Variants in LAMA3 observed in about 807,000 individuals in gnomAD.
LAMA3 encodes laminin subunit alpha-3.
Under a neutral mutation model 402.0 loss-of-function variants are expected in LAMA3, and 281 were observed. The ratio of observed to expected loss-of-function variants is 0.70; its 90% CI spans 0.63 to 0.77. LAMA3 has a LOEUF of 0.77. Ranked by LOEUF, LAMA3 falls within the 30% of genes least tolerant of loss-of-function variation. The pLI is 0.00. For missense variants in LAMA3, 3,840 were observed against 4,215.5 expected (o/e 0.91, Z 2.47); for synonymous variants, 1,431 against 1,558.4 (o/e 0.92, Z 1.93).
chr18:23,698,946 A>G (rs561444289), intron 1 of LAMA3, among the ~76,000 whole-genome samples: 2 of 152,256 alleles, frequency 1.3e-5, no homozygotes, highest in African/African-American at 4.8e-5. Flanking sequence ...TGTGATAAAA[A>G]TTAAAGAGGA....
At chr18:23,752,920 G>A (rs775777494) in intron 5 of LAMA3, among the ~76,000 whole-genome samples, 1 of 152,238 alleles carries the variant, frequency 6.6e-6, no homozygotes, top group Non-Finnish European at 1.5e-5. Flanking sequence ...CAATGAGAAA[G>A]ATTGTTCTAC....
Position 23,890,054 on chromosome 18 carries a change from A to G in LAMA3, c.5347A>G (p.Ser1783Gly). ...YFGNPQKFGG[S>G]CQPCSCNSNG... ...CGGGAATCCCCAGAAATTCGGAGGT[A>G]GCTGCCAACCATGCAGTTGTAACAG... The change falls in exon 42 of 75, where the codon AGC becomes GGC. Residue 1783 changes from serine (S) to glycine (G), a missense_variant. Around this residue, in one of 3 missense-constraint regions of LAMA3, gnomAD observed 2,109 missense variants for 2,376.0 expected, o/e 0.89. Transcript: ENST00000313654. The G allele has an allele frequency of 1.2e-6, 2 of 1,614,210 alleles. No individual in the cohort carries two copies. Among genetic ancestry groups the G allele is most frequent in the Middle Eastern group, 1.6e-4 (1 of 6,062 alleles).
At chr18:23,895,163 G>C (rs1252738415) in intron 44 of LAMA3, 105 bp downstream of exon 44, 3 of 1,306,006 alleles carry the variant, frequency 2.3e-6, no homozygotes, top group Non-Finnish European at 3.2e-6. Context: ...AGGCTCAGGG[G>C]TTGTCCTCCT....
Position 23,952,997 on chromosome 18 carries a change from A to G in LAMA3, c.9744A>G (p.Ile3248Met). 6.2e-7 allele frequency: 1 copy of G among 1,614,074 alleles called. No homozygotes were observed. The highest frequency in any genetic ancestry group is 8.5e-7 in the Non-Finnish European group (1 of 1,179,958). The change falls in exon 74 of 75, where the codon ATA becomes ATG. Residue 3248 changes from isoleucine (I) to methionine (M), a missense_variant. Physicochemically the swap from Ile to Met is conservative, Grantham distance 10. Around this residue, in one of 3 missense-constraint regions of LAMA3, gnomAD observed 840 missense variants for 981.9 expected, o/e 0.86. Coordinates refer to ENST00000313654, the MANE Select transcript of LAMA3 (RefSeq NM_198129.4). ...DGQWHSVAVT[I>M]KQHILHLELD... ...CCAGCCTCCTTTCCCCAGTCACCAT[A>G]AAACAACACATCCTGCACCTGGAAC...
chr18:23,810,406 C>G lies in LAMA3; in HGVS notation c.1644C>G (p.Cys548Trp). 3 of 1,614,158 alleles carry G rather than the reference C, an allele frequency of 1.9e-6. No homozygotes were observed. Among genetic ancestry groups the G allele is most frequent in the Non-Finnish European group, 2.5e-6 (3 of 1,180,018 alleles). ...CSALGSYQMP[C>W]SSVTGQCECR... ...CCCTTGGATCCTACCAGATGCCCTGCAGCTCAGTGACTGGACAGTGTGAAT... is the reference window on the plus strand; with the variant it reads ...CCCTTGGATCCTACCAGATGCCCTGGAGCTCAGTGACTGGACAGTGTGAAT... Residue 548 changes from cysteine (C) to tryptophan (W), a missense_variant, in exon 13 of 75, where the codon TGC becomes TGG. Physicochemically the swap from Cys to Trp is radical, Grantham distance 215 (BLOSUM62 -2). Around this residue, in one of 3 missense-constraint regions of LAMA3, gnomAD observed 2,109 missense variants for 2,376.0 expected, o/e 0.89. Coordinates refer to ENST00000313654, the MANE Select transcript of LAMA3 (RefSeq NM_198129.4).
intron 18 of LAMA3, among the ~76,000 whole-genome samples, chr18:23,819,354 A>G (rs1434887875): frequency 6.6e-6 from 1 of 152,206 alleles, no homozygotes; most frequent in Non-Finnish European, 1.5e-5. Flanking sequence ...AAAATAACAT[A>G]TCAAGAAAAT....
At chr18:23,861,250 A>C (rs1437436420) in intron 34 of LAMA3, among the ~76,000 whole-genome samples, 1 of 152,176 alleles carries the variant, frequency 6.6e-6, no homozygotes, top group Non-Finnish European at 1.5e-5. Context: ...ATTTAGAGAA[A>C]AATAATAATA....
rs193050742 is a variant in LAMA3, at chr18:23,740,418, T to C, written c.448-7525T>C. 1.7e-3 allele frequency among the ~76,000 whole-genome samples: 254 copies of C among 152,114 alleles called. 2 individuals carry two copies. Among genetic ancestry groups the C allele is most frequent in the Non-Finnish European group, 3.2e-4 (22 of 67,984 alleles). On this transcript the variant is annotated intron_variant, in intron 2 of 74. Transcript: ENST00000313654. Reference sequence around the variant, plus strand: ...CCCTTTGTCTTACCATTTTTTTTTTTCCTGAAATCTTTCATTAAGATTGTC... The same window carrying C: ...CCCTTTGTCTTACCATTTTTTTTTTCCCTGAAATCTTTCATTAAGATTGTC...
In LAMA3 at chr18:23,909,217, G is replaced by A. The variant is rs763710322; in HGVS notation, c.7080G>A (p.Leu2360=). 6.2e-7 allele frequency: 1 copy of A among 1,613,686 alleles called. No individual in the cohort carries two copies. The highest frequency in any genetic ancestry group is 8.5e-7 in the Non-Finnish European group (1 of 1,179,810). The change falls in exon 55 of 75, where the codon CTG becomes CTA. Residue 2360 remains leucine (L), a synonymous_variant. Coordinates refer to ENST00000313654, the MANE Select transcript of LAMA3 (RefSeq NM_198129.4). The part of the protein sequence containing the change: ...WRKIESINQQ[L]LPLGNISDNM... ...AGATTGAAAGTATCAACCAACAGCT[G>A]TTGCCCTTGGGAAACATCTCTGACA...
At position 23,903,971 on chromosome 18, in the gene LAMA3, A is replaced by G. The variant is rs1257658577; in HGVS notation, c.6357A>G (p.Arg2119=). ...EKLAASLNEA[R]QELSDKVREL... is the part of the protein sequence containing the mutation. ...TAGCTGCCAGTTTAAATGAAGCAAG[A>G]CAAGAACTAAGTGACAAAGTAAGAG... Residue 2119 remains arginine, a synonymous_variant, in exon 50 of 75, where the codon AGA becomes AGG. Transcript: ENST00000313654. 2 of 1,613,776 alleles carry G rather than the reference A, an allele frequency of 1.2e-6. No homozygotes were observed. The highest frequency in any genetic ancestry group is 1.1e-5 in the South Asian group (1 of 91,082).
At chr18:23,947,893 G>A (rs1039247828) in intron 70 of LAMA3, among the ~76,000 whole-genome samples, 8 of 149,376 alleles carry the variant, frequency 5.4e-5, no homozygotes, top group African/African-American at 2.0e-4. Context: ...CTCACTGCAA[G>A]CTCCGCCTCC....
chr18:23,748,584 C>G (rs1203624671), intron 3 of LAMA3, among the ~76,000 whole-genome samples: 1 of 151,878 alleles, frequency 6.6e-6, no homozygotes, highest in Non-Finnish European at 1.5e-5. Context: ...CACTTGAGGT[C>G]AGGAGTTTGA....
intron 1 of LAMA3, among the ~76,000 whole-genome samples, chr18:23,701,471 C>T (rs951081074): frequency 4.6e-5 from 7 of 152,194 alleles, no homozygotes; most frequent in African/African-American, 1.7e-4. Context: ...TTTAGTGACA[C>T]AGGTATCAGT....
intron 2 of LAMA3, among the ~76,000 whole-genome samples, chr18:23,730,562 T>C (rs2061377298): frequency 6.6e-6 from 1 of 152,114 alleles, no homozygotes; most frequent in Non-Finnish European, 1.5e-5. Context: ...AGATGGAGTT[T>C]CACCATGTTG....
intron 19 of LAMA3, among the ~76,000 whole-genome samples, chr18:23,821,815 G>A (rs761859991): frequency 3.9e-5 from 6 of 152,224 alleles, no homozygotes; most frequent in Non-Finnish European, 8.8e-5. Flanking sequence ...TAGACTTTAT[G>A]TATGTGAAGC....
At chr18:23,921,118 G>A in intron 61 of LAMA3, 64 bp downstream of exon 61, 1 of 1,531,564 alleles carries the variant, frequency 6.5e-7, no homozygotes, top group Non-Finnish European at 9.0e-7. Context: ...AATTAAGTCA[G>A]TGCCCCCAAA....
At chr18:23,816,598 T>C (rs774312668) in intron 18 of LAMA3, 111 bp downstream of exon 18, 1 of 861,726 alleles carries the variant, frequency 1.2e-6, no homozygotes. Flanking sequence ...AAGATCGAGG[T>C]CAGGGGAAGC....
intron 5 of LAMA3, among the ~76,000 whole-genome samples, chr18:23,752,340 G>A (rs899621867): frequency 1.3e-5 from 2 of 151,894 alleles, no homozygotes; most frequent in African/African-American, 4.8e-5. Context: ...GTCTTTTTGG[G>A]GGTTGCAAGA....
chr18:23,830,744 A>C (rs995993454), intron 23 of LAMA3, among the ~76,000 whole-genome samples: 1 of 152,196 alleles, frequency 6.6e-6, no homozygotes, highest in African/African-American at 2.4e-5. Context: ...GTCAATGCTC[A>C]GTCCTAGGCC....
Sources: allele counts gnomAD v4.1 joint callset (sites outside exome capture counted in the v4.1 genomes callset), GRCh38; gene constraint gnomAD v4.1.1; regional missense constraint gnomAD v4.1.1; transcripts MANE v1.5; gene names NCBI Gene and HGNC (gene_info 2026-07-23, HGNC 2026-07-21).